Variants in ARHGAP44 observed in about 807,000 individuals in gnomAD.
ARHGAP44 encodes Rho GTPase activating protein 44, also known as rho GTPase-activating protein 44.
Under a neutral mutation model 106.8 loss-of-function variants are expected in ARHGAP44, and 43 were observed. The ratio of observed to expected loss-of-function variants is 0.40; its 90% CI spans 0.32 to 0.52. The LOEUF (loss-of-function observed/expected upper bound fraction) is 0.52. Ranked by LOEUF, ARHGAP44 falls within the 20% of genes least tolerant of loss-of-function variation. The probability of loss-of-function intolerance (pLI) is 0.48; values close to 1 mark genes in which losing one functional copy is unlikely to be tolerated. For missense variants in ARHGAP44, 866 were observed against 1,050.5 expected (o/e 0.82, Z 2.43); for synonymous variants, 439 against 410.3 (o/e 1.07, Z -0.85).
chr17:12,813,904 A>G (rs531937652), intron 1 of ARHGAP44, among the ~76,000 whole-genome samples: 1 of 152,272 alleles, frequency 6.6e-6, no homozygotes, highest in African/African-American at 2.4e-5. Flanking sequence ...ACGTAGTCCA[A>G]CTGTCTGCCG....
intron 13 of ARHGAP44, 187 bp from the exon 14 acceptor site, chr17:12,955,680 G>A: frequency 3.8e-6 from 2 of 525,030 alleles, no homozygotes; most frequent in Non-Finnish European, 6.9e-6. Flanking sequence ...ATCTGAGCCT[G>A]CCTGTTTTTG....
At chr17:12,954,906 G>A (rs1280479008) in intron 13 of ARHGAP44, among the ~76,000 whole-genome samples, 3 of 152,138 alleles carry the variant, frequency 2.0e-5, no homozygotes, top group African/African-American at 7.2e-5. Context: ...CATGTGCAGT[G>A]TAGTAGGTTT....
At chr17:12,944,009 A>T in intron 9 of ARHGAP44, 60 bp from the exon 10 acceptor site, 1 of 1,510,718 alleles carries the variant, frequency 6.6e-7, no homozygotes, top group Non-Finnish European at 8.9e-7. Flanking sequence ...GGAAAGCGAG[A>T]TTCCAGCATG....
At chr17:12,880,245 T>C (rs1197486610) in intron 1 of ARHGAP44, among the ~76,000 whole-genome samples, 1 of 152,140 alleles carries the variant, frequency 6.6e-6, no homozygotes, top group Non-Finnish European at 1.5e-5. Flanking sequence ...TATGAAACAA[T>C]GTTAAGAAGA....
chr17:12,885,178 C>T (rs985219481), intron 1 of ARHGAP44, among the ~76,000 whole-genome samples: 2 of 152,196 alleles, frequency 1.3e-5, no homozygotes, highest in Non-Finnish European at 2.9e-5. Context: ...GGATTACAGG[C>T]GTGAGCCATC....
chr17:12,835,958 T>C (rs1420204684), intron 1 of ARHGAP44, among the ~76,000 whole-genome samples: 2 of 152,226 alleles, frequency 1.3e-5, no homozygotes, highest in African/African-American at 4.8e-5. Context: ...TTTATCTATG[T>C]TGTAGCATGT....
At chr17:12,790,092 C>T (rs1167827766) in intron 1 of ARHGAP44, 2 of 505,876 alleles carry the variant, frequency 4.0e-6, no homozygotes, top group East Asian at 7.2e-5. Context: ...CACTCGCCGC[C>T]TTCTGCTCCG....
At position 12,949,113 on chromosome 17, in the gene ARHGAP44, T is replaced by G; in HGVS notation, c.862-27T>G. On this transcript the variant is annotated intron_variant, in intron 10 of 20. Coordinates refer to ENST00000379672, the MANE Select transcript of ARHGAP44 (RefSeq NM_014859.6). The surrounding 1 kb of genome is among the most constrained non-coding windows in gnomAD (Gnocchi z 4.1). ...TTGATGTTGTACCTTGGAGTTGCTGTGCGCTGACCCTCTGTCCTGTTGGTA... is the reference window on the plus strand; with the variant it reads ...TTGATGTTGTACCTTGGAGTTGCTGGGCGCTGACCCTCTGTCCTGTTGGTA... The G allele has an allele frequency of 6.5e-7, 1 of 1,549,026 alleles. No homozygotes were observed. Among genetic ancestry groups the G allele is most frequent in the Non-Finnish European group, 8.7e-7 (1 of 1,144,594 alleles).
chr17:12,792,015 A>G (rs2033776383), intron 1 of ARHGAP44, among the ~76,000 whole-genome samples: 1 of 152,128 alleles, frequency 6.6e-6, no homozygotes, highest in Non-Finnish European at 1.5e-5. Context: ...GTTCTACAGG[A>G]CCATCCTTGG....
chr17:12,914,818 CA>C (rs1009140172), intron 4 of ARHGAP44, among the ~76,000 whole-genome samples: 94 of 142,078 alleles, frequency 6.6e-4, no homozygotes, highest in South Asian at 6.1e-3. Context: ...AAAAAAACCT[CA>C]AAAAAAAAAT....
At chr17:12,950,766 G>C (rs114312761) in intron 12 of ARHGAP44, among the ~76,000 whole-genome samples, 2,800 of 152,252 alleles carry the variant, frequency 0.018, 75 homozygotes, top group African/African-American at 0.063. Flanking sequence ...AGCAGGACTA[G>C]AGCAAATAGC....
chr17:12,796,726 A>G (rs1275452989), intron 1 of ARHGAP44, among the ~76,000 whole-genome samples: 1 of 150,832 alleles, frequency 6.6e-6, no homozygotes, highest in East Asian at 2.0e-4. Context: ...CCTCCCAAGT[A>G]GCTGGGACTA....
At chr17:12,873,412 A>G (rs906947171) in intron 1 of ARHGAP44, among the ~76,000 whole-genome samples, 1 of 152,192 alleles carries the variant, frequency 6.6e-6, no homozygotes, top group African/African-American at 2.4e-5. Context: ...TATACAGCTT[A>G]GTGTTATATG....
intron 1 of ARHGAP44, among the ~76,000 whole-genome samples, chr17:12,884,677 A>G (rs758842197): frequency 2.0e-5 from 3 of 152,166 alleles, no homozygotes; most frequent in Non-Finnish European, 4.4e-5. Context: ...CTCATGCGGC[A>G]TCTTTGCAGT....
At position 12,941,103 on chromosome 17, in the gene ARHGAP44, C is replaced by T; in HGVS notation, c.630C>T (p.Asp210=). The T allele has an allele frequency of 6.2e-7, 1 of 1,613,970 alleles. No homozygotes were observed. Among genetic ancestry groups the T allele is most frequent in the Non-Finnish European group, 8.5e-7 (1 of 1,179,874 alleles). Residue 210 remains aspartate, a synonymous_variant, in exon 8 of 21, where the codon GAC becomes GAT. Coordinates refer to ENST00000379672, the MANE Select transcript of ARHGAP44 (RefSeq NM_014859.6). Reference sequence around the variant, plus strand: ...ACAGTTTTGTGGCCAAAGAAATTGACTATGCAAACTACTTTCAAACGGTAA... The same window carrying T: ...ACAGTTTTGTGGCCAAAGAAATTGATTATGCAAACTACTTTCAAACGGTAA... ...DMYSFVAKEI[D]YANYFQTLIE...
chr17:12,966,000 T>G (rs1396605110), intron 16 of ARHGAP44, among the ~76,000 whole-genome samples: 2 of 151,976 alleles, frequency 1.3e-5, no homozygotes, highest in East Asian at 3.9e-4. Flanking sequence ...AAACAATTTT[T>G]AAAAATTAGC....
rs2037163499 is a variant in ARHGAP44, at chr17:12,895,090, C to T, written c.93+111C>T. ...AGGTTGTAGTTAGCCGGGATCGTGC[C>T]ACTACACTCCAGCCTGGCGATACAG... On this transcript the variant is annotated intron_variant, in intron 2 of 20. Transcript: ENST00000379672. 6.7e-6 allele frequency: 6 copies of T among 901,838 alleles called. No individual in the cohort carries two copies. The East Asian group carries it at 1.4e-4, about 21-fold the overall frequency. 55.9% of individuals were successfully genotyped at this position (901,838 alleles called of 1,614,324 possible).
intron 1 of ARHGAP44, among the ~76,000 whole-genome samples, chr17:12,796,476 C>T (rs1044832060): frequency 6.6e-6 from 1 of 152,216 alleles, no homozygotes; most frequent in African/African-American, 2.4e-5. Context: ...ACTTTCACTG[C>T]AGCCTTGAAC....
chr17:12,958,003 A>C lies in ARHGAP44; in HGVS notation c.1343-714A>C, dbSNP rs540931972. Among the ~76,000 whole-genome samples, 5 of 152,270 alleles carry C rather than the reference A, an allele frequency of 3.3e-5. No homozygotes were observed. Among genetic ancestry groups the C allele is most frequent in the Admixed American group, 3.3e-4 (5 of 15,280 alleles). Reference sequence around the variant, plus strand: ...TCCCTAAGAGTTGCGTTGATAACAGAGTTGGGTGGGTGTGGGAAATCAAGA... The same window carrying C: ...TCCCTAAGAGTTGCGTTGATAACAGCGTTGGGTGGGTGTGGGAAATCAAGA... On this transcript the variant is annotated intron_variant, in intron 15 of 20. Coordinates refer to ENST00000379672, the MANE Select transcript of ARHGAP44 (RefSeq NM_014859.6). The surrounding 1 kb of genome is among the most constrained non-coding windows in gnomAD (Gnocchi z 4.1).
Sources: gnomAD v4.1 joint callset for allele counts (sites outside exome capture counted in the v4.1 genomes callset) on GRCh38, gnomAD v4.1.1 for gene constraint, Gnocchi (gnomAD v3.1) non-coding constraint, MANE v1.5 for transcripts, NCBI Gene and HGNC (gene_info 2026-07-23, HGNC 2026-07-21) for gene names.